Variants in PRLR observed in about 807,000 individuals in gnomAD.
The protein encoded by PRLR is prolactin receptor, also known as hPRL receptor.
PRLR carries 13 observed loss-of-function variants against 40.2 expected under a neutral mutation model. That is an observed-to-expected ratio of 0.32 (90% CI 0.21 to 0.51). PRLR has a LOEUF of 0.51. Ranked by LOEUF, PRLR falls within the 20% of genes least tolerant of loss-of-function variation. PRLR has a pLI of 0.97. For synonymous variants in PRLR, 269 were observed against 278.7 expected (o/e 0.97, Z 0.35); for missense variants, 656 against 747.3 (o/e 0.88, Z 1.42).
At chr5:35,197,798 G>A (rs1166647120) in intron 1 of PRLR, among the ~76,000 whole-genome samples, 1 of 152,246 alleles carries the variant, frequency 6.6e-6, no homozygotes, top group Non-Finnish European at 1.5e-5. Context: ...GCAGATCTCT[G>A]AGAGGATGAG....
At chr5:35,145,257 C>G (rs1046949137) in intron 1 of PRLR, among the ~76,000 whole-genome samples, 3 of 151,984 alleles carry the variant, frequency 2.0e-5, no homozygotes, top group African/African-American at 7.3e-5. Flanking sequence ...ATCCGGTTGT[C>G]CTGTGGGTGA....
chr5:35,180,105 T>C (rs1458166603), intron 1 of PRLR, among the ~76,000 whole-genome samples: 1 of 152,184 alleles, frequency 6.6e-6, no homozygotes, highest in African/African-American at 2.4e-5. Context: ...CCTAGATCCC[T>C]CACATGTGCA....
chr5:35,174,247 G>A (rs747622031), intron 1 of PRLR, among the ~76,000 whole-genome samples: 17 of 152,112 alleles, frequency 1.1e-4, no homozygotes, highest in South Asian at 8.3e-4. Context: ...AGGCCGCCAC[G>A]CCCGGCTAAT....
At chr5:35,195,811 A>G (rs1052772139) in intron 1 of PRLR, 1 of 152,226 alleles carries the variant, frequency 6.6e-6, no homozygotes, top group African/African-American at 2.4e-5. Context: ...AAATGCAAGG[A>G]TACATTTTGT....
At chr5:35,100,642 G>A (rs1771821720) in intron 2 of PRLR, among the ~76,000 whole-genome samples, 1 of 152,130 alleles carries the variant, frequency 6.6e-6, no homozygotes, top group Admixed American at 6.5e-5. Context: ...GTTTGTGTAA[G>A]TACACTTTAT....
At chr5:35,100,858 C>T (rs954306415) in intron 2 of PRLR, among the ~76,000 whole-genome samples, 2 of 152,162 alleles carry the variant, frequency 1.3e-5, no homozygotes, top group African/African-American at 4.8e-5. Flanking sequence ...GTACAGCCAA[C>T]AGATGAAAGG....
At chr5:35,203,484 C>T (rs995802749) in intron 1 of PRLR, among the ~76,000 whole-genome samples, 3 of 152,128 alleles carry the variant, frequency 2.0e-5, no homozygotes, top group Non-Finnish European at 4.4e-5. Flanking sequence ...GGAATTATTA[C>T]CCTGAATTTG....
chr5:35,136,208 C>T (rs1773853971), intron 1 of PRLR, among the ~76,000 whole-genome samples: 1 of 152,162 alleles, frequency 6.6e-6, no homozygotes, highest in Non-Finnish European at 1.5e-5. Flanking sequence ...AGTTTGTGGA[C>T]TCTCTGAGGC....
rs187436473 is a variant in PRLR at position 35,154,030 on chromosome 5, C to T, written c.-105-35908G>A. Among the ~76,000 whole-genome samples the T allele has an allele frequency of 2.6e-4, 39 of 152,312 alleles. 1 individual carries two copies. In the East Asian group the frequency reaches 7.1e-3, roughly 28 times the overall value. On this transcript the variant is annotated intron_variant, in intron 1 of 9. Transcript: ENST00000618457. ...TTTAATTGGTTTTGATAATAATTTT[C>T]TCAGATCCCAGAGGATACGTCAACA...
At chr5:35,116,883 C>G (rs1278411928) in intron 2 of PRLR, among the ~76,000 whole-genome samples, 1 of 152,170 alleles carries the variant, frequency 6.6e-6, no homozygotes, top group Non-Finnish European at 1.5e-5. Flanking sequence ...TGGGCTGAGG[C>G]AACTTAAAGC....
intron 1 of PRLR, among the ~76,000 whole-genome samples, chr5:35,165,199 C>T (rs564295906): frequency 6.6e-6 from 1 of 152,194 alleles, no homozygotes; most frequent in Admixed American, 6.5e-5. Context: ...GCTCTTCCAT[C>T]AACCACCACT....
chr5:35,118,199 GTAGC>G, intron 1 of PRLR, 77 bp from the exon 2 acceptor site: 1 of 731,698 alleles, frequency 1.4e-6, no homozygotes, highest in Non-Finnish European at 1.7e-6. Flanking sequence ...TCTGCAGTAC[GTAGC>G]ATGGCTGAAC....
intron 1 of PRLR, among the ~76,000 whole-genome samples, chr5:35,121,922 ATTTTAGGT>A (rs1773306466): frequency 6.6e-6 from 1 of 152,196 alleles, no homozygotes; most frequent in African/African-American, 2.4e-5. Context: ...GCCAAATAGT[ATTTTAGGT>A]GCTGATGATA....
rs573590073 is a variant in PRLR, at chr5:35,118,095, C to T, written c.-78G>A. On this transcript the variant is annotated 5_prime_UTR_variant, in exon 2 of 10. Transcript: ENST00000618457. ...TCATGTGGAAAGCATCCTCAGTGTT[C>T]GCCTCCATGAATAGGAGAGTTCTTT... is the stretch of plus-strand genomic sequence containing the variant. The T allele has an allele frequency of 7.1e-6, 7 of 985,640 alleles. No homozygotes were observed. Among genetic ancestry groups the T allele is most frequent in the Middle Eastern group, 5.2e-4 (1 of 1,912 alleles). 61.1% of individuals were successfully genotyped at this position (985,640 alleles called of 1,614,324 possible).
rs1768818783 is a variant in PRLR at position 35,058,061 on chromosome 5, TTATAAAA to T, written c.*7021_*7027del. 1 of 152,128 alleles carries T rather than the reference TTATAAAA, an allele frequency of 6.6e-6. No homozygotes were observed. The highest frequency in any genetic ancestry group is 2.4e-5 in the African/African-American group (1 of 41,438). The allele number at this position is 152,128 out of a possible 1,614,324, so 9.4% of individuals were successfully genotyped here. ...TCTGAATCTTTCTTGCAGCCGGTTT[TTATAAAA>T]TATAAACATGTAAGAATGGTTATTC... On this transcript the variant is annotated 3_prime_UTR_variant, in exon 10 of 10. Transcript: ENST00000618457.
chr5:35,098,688 A>T (rs918642803), intron 2 of PRLR, among the ~76,000 whole-genome samples: 22 of 152,228 alleles, frequency 1.4e-4, no homozygotes, highest in African/African-American at 5.3e-4. Flanking sequence ...TAATATCTAG[A>T]AACTCAAGCT....
intron 2 of PRLR, among the ~76,000 whole-genome samples, chr5:35,096,351 T>C (rs1771532969): frequency 6.6e-6 from 1 of 152,210 alleles, no homozygotes; most frequent in Non-Finnish European, 1.5e-5. Flanking sequence ...AGCAGTCTTT[T>C]TGGCTTAAAG....
chr5:35,160,211 ACATGTCACAATTGTATGACATTTC>A lies in PRLR; in HGVS notation c.-105-42113_-105-42090del, dbSNP rs1193545873. 5.2e-5 allele frequency among the ~76,000 whole-genome samples: 8 copies of A among 152,382 alleles called. No individual in the cohort carries two copies. The South Asian group carries it at 1.7e-3, about 32-fold the overall frequency. ...ACAATTAAAAATGAAATATTCTGTGACATGTCACAATTGTATGACATTTCCATTTCAGTGTTAATTCATAAAGTT... is the reference window on the plus strand; with the variant it reads ...ACAATTAAAAATGAAATATTCTGTGACATTTCAGTGTTAATTCATAAAGTT... On this transcript the variant is annotated intron_variant, in intron 1 of 9. Coordinates refer to ENST00000618457, the MANE Select transcript of PRLR (RefSeq NM_000949.7).
At chr5:35,049,204 C>G in exon 9 of PRLR, 1 of 701,360 alleles carries the variant, frequency 1.4e-6, no homozygotes, top group South Asian at 1.5e-5. Context: ...CACAGCATCT[C>G]CCTGGGGTGC....
Sources: allele counts gnomAD v4.1 joint callset (sites outside exome capture counted in the v4.1 genomes callset), GRCh38; gene constraint gnomAD v4.1.1; transcripts MANE v1.5; gene names NCBI Gene and HGNC (gene_info 2026-07-23, HGNC 2026-07-21).